BCL11A: variants seen among roughly 807,000 people sequenced by gnomAD.
The protein encoded by BCL11A is B cell CLL/lymphoma 11A.
Under a neutral mutation model 55.9 loss-of-function variants are expected in BCL11A, and 2 were observed. The ratio of observed to expected loss-of-function variants is 0.04; its 90% confidence interval spans 0.01 to 0.11. BCL11A has a LOEUF of 0.11. Ranked by LOEUF, BCL11A falls within the 10% of genes least tolerant of loss-of-function variation. The probability of loss-of-function intolerance (pLI) is 1.00; values close to 1 mark genes in which losing one functional copy is unlikely to be tolerated. For missense variants in BCL11A, 817 were observed against 1,137.1 expected (o/e 0.72, Z 4.05); for synonymous variants, 465 against 473.4 (o/e 0.98, Z 0.23).
intron 2 of BCL11A, chr2:60,543,166 C>A (rs1283052834): frequency 6.6e-6 from 1 of 151,448 alleles, no homozygotes; most frequent in Non-Finnish European, 1.5e-5. Context: ...CTTTATTTAT[C>A]TTAGGAAGAA....
chr2:60,496,311 T>C (rs1678946479), intron 2 of BCL11A, among the ~76,000 whole-genome samples: 1 of 152,142 alleles, frequency 6.6e-6, no homozygotes, highest in Admixed American at 6.5e-5. Context: ...GAGTGGACCA[T>C]CCCAGTGGTG....
At chr2:60,525,427 C>T (rs1385260130) in intron 2 of BCL11A, 2 of 152,156 alleles carry the variant, frequency 1.3e-5, no homozygotes, top group Non-Finnish European at 1.5e-5. Flanking sequence ...TTGAAAGATG[C>T]CTTTAAGCTT....
intron 1 of BCL11A, among the ~76,000 whole-genome samples, chr2:60,551,455 G>C (rs1178729217): frequency 6.6e-6 from 1 of 152,224 alleles, no homozygotes; most frequent in Non-Finnish European, 1.5e-5. Flanking sequence ...AGTCGTGCTC[G>C]GGGCGCAGGG....
At chr2:60,520,448 A>G (rs1668927559) in intron 2 of BCL11A, among the ~76,000 whole-genome samples, 1 of 152,222 alleles carries the variant, frequency 6.6e-6, no homozygotes, top group Non-Finnish European at 1.5e-5. Context: ...AAGTGCCACC[A>G]AATTTTTTAA....
At chr2:60,457,004 T>A (rs183118734), downstream of BCL11A, among the ~76,000 whole-genome samples, 1 of 152,206 alleles carries the variant, frequency 6.6e-6, no homozygotes, top group African/African-American at 2.4e-5. Flanking sequence ...CTTAAAACTA[T>A]GTCCAGGGTT....
At chr2:60,549,389 T>C (rs1670292097) in intron 1 of BCL11A, among the ~76,000 whole-genome samples, 1 of 152,196 alleles carries the variant, frequency 6.6e-6, no homozygotes, top group Admixed American at 6.5e-5. Context: ...TTCTCCTTGA[T>C]TGTCTTAACA....
chr2:60,452,411 G>C, downstream of BCL11A: 1 of 583,268 alleles, frequency 1.7e-6, no homozygotes, highest in Admixed American at 3.0e-5. Flanking sequence ...AAATAAAATG[G>C]CGCTGCAGGC....
At chr2:60,525,388 T>C (rs763149533) in intron 2 of BCL11A, 6 of 152,252 alleles carry the variant, frequency 3.9e-5, no homozygotes, top group Non-Finnish European at 7.3e-5. Flanking sequence ...CATTCCATTA[T>C]ACTGCACTTC....
At position 60,462,250 on chromosome 2, in the gene BCL11A, C is replaced by T. The variant is rs1322661274; in HGVS notation, c.662G>A (p.Cys221Tyr). Residue 221 changes from cysteine (C) to tyrosine (Y), a missense_variant, in exon 4 of 4, where the codon TGT (cysteine) becomes TAT (tyrosine). Cys to Tyr is a radical substitution (Grantham distance 194, BLOSUM62 -2). Around this residue, in one of 4 missense-constraint regions of BCL11A, gnomAD observed 363 missense variants for 486.6 expected, o/e 0.75. Coordinates refer to ENST00000642384, the MANE Select transcript of BCL11A (RefSeq NM_022893.4). ...CCCATGGAGAGGTGGCTGGGAAGGA[C>T]ATTCTGCACCTAGTCCTGAAGGGAT... ...VGIPSGLGAE[C>Y]PSQPPLHGIH... is the part of the protein sequence containing the mutation. The T allele has an allele frequency of 5.0e-6, 8 of 1,613,938 alleles. No homozygotes were observed. The highest frequency in any genetic ancestry group is 5.9e-6 in the Non-Finnish European group (7 of 1,179,922).
intron 2 of BCL11A, among the ~76,000 whole-genome samples, chr2:60,532,049 CGCCTCACCCCAGCACTCCCT>C (rs1431974806): frequency 2.0e-5 from 3 of 152,186 alleles, no homozygotes; most frequent in African/African-American, 7.2e-5. Context: ...CTCAGCCTCA[CGCCTCACCCCAGCACTCCCT>C]GCCTCTGCCC....
intron 3 of BCL11A, among the ~76,000 whole-genome samples, chr2:60,467,138 T>TTGGTGGTGATGGTGGTGG (rs1676690027): frequency 9.7e-5 from 6 of 61,818 alleles, no homozygotes; most frequent in African/African-American, 3.2e-4. Flanking sequence ...GATGGTGGTG[T>TTGGTGGTGATGGTGGTGG]TGGTGGTGAT....
chr2:60,553,089 G>C, intron 1 of BCL11A, 127 bp downstream of exon 1: 2 of 944,214 alleles, frequency 2.1e-6, no homozygotes, highest in Non-Finnish European at 1.5e-6. Context: ...CTCGACTCTC[G>C]GAGGTTTTTC....
At chr2:60,540,418 C>T (rs1214586641) in intron 2 of BCL11A, among the ~76,000 whole-genome samples, 4 of 152,146 alleles carry the variant, frequency 2.6e-5, no homozygotes, top group Non-Finnish European at 5.9e-5. Context: ...AAATTAACAT[C>T]CAGTGACGCA....
intron 2 of BCL11A, among the ~76,000 whole-genome samples, chr2:60,477,624 G>T (rs574557462): frequency 5.9e-5 from 9 of 152,136 alleles, no homozygotes; most frequent in African/African-American, 1.7e-4. Context: ...AAGAAAGAAA[G>T]AAATAATCAA....
At chr2:60,456,185 A>G (rs949704017), downstream of BCL11A, among the ~76,000 whole-genome samples, 1 of 152,202 alleles carries the variant, frequency 6.6e-6, no homozygotes, top group African/African-American at 2.4e-5. Context: ...AGCGACAAAA[A>G]ATGCTACCAC....
At chr2:60,467,936 GTGGTGGTGGTGATGGTACTGGTGGTGA>G (rs1302335446) in intron 3 of BCL11A, among the ~76,000 whole-genome samples, 2 of 133,836 alleles carry the variant, frequency 1.5e-5, no homozygotes, top group Non-Finnish European at 3.4e-5. Context: ...GGTAGTGATG[GTGGTGGTGGTGATGGTACTGGTGGTGA>G]TGGTGGTGGT....
chr2:60,479,168 A>G (rs1394405823), intron 2 of BCL11A, among the ~76,000 whole-genome samples: 2 of 152,232 alleles, frequency 1.3e-5, no homozygotes, highest in South Asian at 2.1e-4. Flanking sequence ...TGCTGATTCC[A>G]TATGAGTAAC....
At chr2:60,484,562 G>A (rs1678158305) in intron 2 of BCL11A, 1 of 152,100 alleles carries the variant, frequency 6.6e-6, no homozygotes, top group South Asian at 2.1e-4. Flanking sequence ...TCCCCTCCCT[G>A]CCTTTTAAAT....
intron 2 of BCL11A, among the ~76,000 whole-genome samples, chr2:60,490,623 A>G (rs1235808171): frequency 6.6e-6 from 1 of 151,578 alleles, no homozygotes; most frequent in Non-Finnish European, 1.5e-5. Flanking sequence ...CCCATGCACC[A>G]CTCCCTGACT....
Sources: allele counts gnomAD v4.1 joint callset (sites outside exome capture counted in the v4.1 genomes callset), GRCh38; gene constraint gnomAD v4.1.1; regional missense constraint gnomAD v4.1.1; transcripts MANE v1.5; gene names NCBI Gene and HGNC (gene_info 2026-07-23, HGNC 2026-07-21).